The following RIN2 variants were observed in gnomAD, a reference collection of about 807,000 sequenced individuals.
RIN2 encodes the protein RAB5 interacting protein 2.
RIN2 carries 36 observed loss-of-function variants against 78.0 expected under a neutral mutation model. The observed-to-expected ratio is 0.46, with a 90% CI of 0.35 to 0.61. RIN2 has a LOEUF of 0.61. RIN2 is among the 20% of genes least tolerant of loss of function. The probability of loss-of-function intolerance (pLI) is 0.00; values close to 1 mark genes in which losing one functional copy is unlikely to be tolerated. For missense variants in RIN2, 1,087 were observed against 1,159.7 expected (o/e 0.94, Z 0.91); for synonymous variants, 466 against 466.8 (o/e 1.00, Z 0.02).
intron 11 of RIN2, among the ~76,000 whole-genome samples, chr20:19,996,327 CA>C (rs1012922946): frequency 6.6e-6 from 1 of 151,846 alleles, no homozygotes; most frequent in Non-Finnish European, 1.5e-5. Flanking sequence ...AACAAACAAA[CA>C]AAAAAACAAA....
At chr20:19,813,909 T>A (rs2035681024) in intron 2 of RIN2, among the ~76,000 whole-genome samples, 1 of 152,130 alleles carries the variant, frequency 6.6e-6, no homozygotes, top group Admixed American at 6.5e-5. Flanking sequence ...AATCTTGATA[T>A]CTGGAAATAT....
chr20:19,823,983 C>T (rs929172975), intron 2 of RIN2: 10 of 1,293,384 alleles, frequency 7.7e-6, no homozygotes, highest in Non-Finnish European at 1.1e-5. Context: ...GGATTCAGGA[C>T]GACCGAAGAA....
Position 19,956,715 on chromosome 20 carries a change from T to G in RIN2, c.259T>G (p.Leu87Val), listed in dbSNP as rs774117828. The change falls in exon 5 of 13, where the codon TTG becomes GTG. Residue 87 changes from leucine (L) to valine (V), a missense_variant. This residue lies in a region of RIN2 where 706 missense variants were observed against 667.5 expected (regional missense o/e 1.06). Coordinates refer to ENST00000255006, the MANE Select transcript of RIN2 (RefSeq NM_018993.4). ...CAGCCTCTCCAACAGGCTCAGCATC[T>G]TGGACCGGCTCCTCCACACCCACCC... is the stretch of plus-strand genomic sequence containing the variant. ...YDSLSNRLSI[L>V]DRLLHTHPIW... 15 of 1,611,410 alleles carry G rather than the reference T, an allele frequency of 9.3e-6. No homozygotes were observed. The highest frequency in any genetic ancestry group is 1.3e-5 in the Non-Finnish European group (15 of 1,178,930).
chr20:19,954,867 T>C (rs915694152), intron 4 of RIN2, among the ~76,000 whole-genome samples: 7 of 152,170 alleles, frequency 4.6e-5, no homozygotes, highest in Non-Finnish European at 7.3e-5. Flanking sequence ...GGCCTCGGTC[T>C]TCTCATTGGT....
At chr20:19,966,275 A>C (rs2041933987) in intron 7 of RIN2, among the ~76,000 whole-genome samples, 1 of 151,206 alleles carries the variant, frequency 6.6e-6, no homozygotes, top group Non-Finnish European at 1.5e-5. Flanking sequence ...TTTCTCAAAG[A>C]CTAAATGCCT....
rs2041555559 is a variant in RIN2, at chr20:19,956,690, C to A, written c.234C>A (p.Asp78Glu). ...CCTGTGCCCGGGACTCAGGCTATGA[C>A]AGCCTCTCCAACAGGCTCAGCATCT... ...VKTCARDSGY[D>E]SLSNRLSILD... is the part of the protein sequence containing the mutation. The change falls in exon 5 of 13, where the codon GAC becomes GAA. Residue 78 changes from aspartate (D) to glutamate (E), a missense_variant. Asp to Glu is a conservative substitution (Grantham distance 45, BLOSUM62 2). Transcript: ENST00000255006. 6.2e-7 allele frequency: 1 copy of A among 1,612,602 alleles called. No individual in the cohort carries two copies. The highest frequency in any genetic ancestry group is 8.5e-7 in the Non-Finnish European group (1 of 1,179,432).
intron 8 of RIN2, among the ~76,000 whole-genome samples, chr20:19,972,109 G>GGGT (rs1210033282): frequency 2.0e-5 from 3 of 152,118 alleles, no homozygotes; most frequent in Non-Finnish European, 4.4e-5. Context: ...TGGCAAGACT[G>GGGT]GGTAATGGGA....
chr20:19,924,391 A>C (rs1481775835), intron 3 of RIN2, among the ~76,000 whole-genome samples: 2 of 4,140 alleles, frequency 4.8e-4, no homozygotes, highest in Admixed American at 4.2e-3. Context: ...TTCGTACCCC[A>C]CCTCTTCATA....
At chr20:19,973,121 TA>T (rs772223977) in intron 8 of RIN2, among the ~76,000 whole-genome samples, 1 of 152,216 alleles carries the variant, frequency 6.6e-6, no homozygotes, top group Non-Finnish European at 1.5e-5. Context: ...AATTCACAGT[TA>T]AAAAGGTAGA....
chr20:20,000,756 C>G lies in RIN2; in HGVS notation c.2508C>G (p.Leu836=). The G allele has an allele frequency of 6.2e-7, 1 of 1,613,968 alleles. No individual in the cohort carries two copies. The highest frequency in any genetic ancestry group is 8.5e-7 in the Non-Finnish European group (1 of 1,179,898). The part of the protein sequence containing the change: ...FKVGDPEEYS[L]FLFVDETWQQ... ...TGGGGGACCCTGAGGAGTACAGCCTCTTTCTCTTCGTTGACGAGACATGGC... is the reference window on the plus strand; with the variant it reads ...TGGGGGACCCTGAGGAGTACAGCCTGTTTCTCTTCGTTGACGAGACATGGC... The change falls in exon 13 of 13, where the codon CTC becomes CTG. Residue 836 remains leucine, a synonymous_variant. Transcript: ENST00000255006.
At position 19,875,913 on chromosome 20, in the gene RIN2, G is replaced by A. The variant is rs114902119; in HGVS notation, c.-36-13653G>A. ...GAGGATGGGAAGGAAGATGAGTGAC[G>A]TTTCAGCCAGAAGATTCAGCAGAAC... On this transcript the variant is annotated intron_variant, in intron 2 of 12. Coordinates refer to ENST00000255006, the MANE Select transcript of RIN2 (RefSeq NM_018993.4). Among the ~76,000 whole-genome samples the A allele has an allele frequency of 2.4e-3, 368 of 152,332 alleles. 1 individual carries two copies. The highest frequency in any genetic ancestry group is 8.4e-3 in the African/African-American group (351 of 41,560).
intron 1 of RIN2, among the ~76,000 whole-genome samples, chr20:19,785,748 A>C (rs2034657131): frequency 1.3e-5 from 2 of 152,216 alleles, no homozygotes; most frequent in African/African-American, 2.4e-5. Flanking sequence ...AGTGGATTAA[A>C]CTTTCCAAGG....
intron 4 of RIN2, among the ~76,000 whole-genome samples, chr20:19,943,324 G>A (rs114786559): frequency 0.011 from 1,664 of 152,272 alleles, 26 homozygotes; most frequent in African/African-American, 0.037. Flanking sequence ...AAATGGCAGC[G>A]TCTCCCTGGA....
At chr20:19,829,139 G>A (rs1600555080) in intron 2 of RIN2, among the ~76,000 whole-genome samples, 1 of 152,276 alleles carries the variant, frequency 6.6e-6, no homozygotes, top group Admixed American at 6.5e-5. Flanking sequence ...ATGATGGGAC[G>A]CTTTGGGTGA....
At chr20:19,935,455 A>C in intron 4 of RIN2, 2 of 1,246,892 alleles carry the variant, frequency 1.6e-6, no homozygotes, top group Non-Finnish European at 2.0e-6. Flanking sequence ...GAAACCTAAA[A>C]TTGTCTGTGC....
At chr20:19,853,438 G>T (rs1198741284) in intron 2 of RIN2, among the ~76,000 whole-genome samples, 1 of 152,114 alleles carries the variant, frequency 6.6e-6, no homozygotes, top group Non-Finnish European at 1.5e-5. Flanking sequence ...TCTAGTTCTA[G>T]ATCCTTGAGG....
chr20:19,847,267 A>G (rs566147316), intron 2 of RIN2, among the ~76,000 whole-genome samples: 2 of 152,290 alleles, frequency 1.3e-5, no homozygotes, highest in Non-Finnish European at 2.9e-5. Flanking sequence ...GTGAAAGTCC[A>G]AAGGGTTTTG....
intron 1 of RIN2, among the ~76,000 whole-genome samples, chr20:19,797,818 C>T (rs1444198007): frequency 6.6e-6 from 1 of 150,962 alleles, no homozygotes; most frequent in Admixed American, 6.6e-5. Flanking sequence ...ACTAAATAAT[C>T]TGCAATGGAC....
intron 6 of RIN2, among the ~76,000 whole-genome samples, chr20:19,963,952 C>T (rs1247725864): frequency 2.6e-5 from 4 of 151,144 alleles, no homozygotes; most frequent in Non-Finnish European, 5.9e-5. Flanking sequence ...CAACGTCCAC[C>T]TCCCAGGTTC....
Sources: gnomAD v4.1 joint callset for allele counts (sites outside exome capture counted in the v4.1 genomes callset) on GRCh38, gnomAD v4.1.1 for gene constraint, gnomAD v4.1.1 regional missense constraint, MANE v1.5 for transcripts, NCBI Gene and HGNC (gene_info 2026-07-23, HGNC 2026-07-21) for gene names.